The following PGM3 variants were observed in gnomAD, a reference collection of about 807,000 sequenced individuals.
The protein encoded by PGM3 is phosphoglucomutase 3.
Under a neutral mutation model 66.2 loss-of-function variants are expected in PGM3, and 40 were observed. The observed-to-expected ratio is 0.60, with a 90% confidence interval of 0.47 to 0.79. The LOEUF (loss-of-function observed/expected upper bound fraction) is 0.79, where lower values mean the gene tolerates loss of function less well. Among genes scored for constraint, PGM3 ranks in the 30% least tolerant of loss-of-function variants. The pLI is 0.00. For synonymous variants in PGM3, 191 were observed against 224.2 expected, an observed-to-expected ratio of 0.85 and a Z score of 1.32; for missense variants, 537 against 643.4, an observed-to-expected ratio of 0.83 and a Z score of 1.79.
chr6:83,188,226 T>G (rs377062073), intron 3 of PGM3, among the ~76,000 whole-genome samples: 2 of 152,286 alleles, frequency 1.3e-5, no homozygotes, highest in East Asian at 1.9e-4. Flanking sequence ...ATATAAATAT[T>G]TGAAACAATA....
intron 11 of PGM3, chr6:83,171,150 G>A (rs1787007926): frequency 1.3e-5 from 2 of 152,174 alleles, no homozygotes; most frequent in African/African-American, 2.4e-5. Context: ...GACCAGCCTA[G>A]GCAACATAGT....
intron 8 of PGM3, among the ~76,000 whole-genome samples, chr6:83,176,665 C>G (rs1787794685): frequency 6.6e-6 from 1 of 152,040 alleles, no homozygotes; most frequent in Admixed American, 6.6e-5. Context: ...ATGGATGGAT[C>G]TGAGAGAGCT....
rs770754103 is a variant in PGM3, at chr6:83,171,936, C to T, written c.1365+1G>A. 2 of 1,611,702 alleles carry T rather than the reference C, an allele frequency of 1.2e-6. No homozygotes were observed. The highest frequency in any genetic ancestry group is 1.7e-6 in the Non-Finnish European group (2 of 1,178,418). On this transcript the variant is annotated splice_donor_variant, in intron 11 of 12. Transcript: ENST00000513973. LOFTEE classifies it high-confidence loss of function. Reference sequence around the variant, plus strand: ...AAGTTACTTTAAAGTTTCTCTCACACCTGAACTTTAAGTTGTCTGTTTGGA... The same window carrying T: ...AAGTTACTTTAAAGTTTCTCTCACATCTGAACTTTAAGTTGTCTGTTTGGA...
At chr6:83,181,365 T>C (rs568501696) in intron 6 of PGM3, among the ~76,000 whole-genome samples, 1 of 152,304 alleles carries the variant, frequency 6.6e-6, no homozygotes, top group Non-Finnish European at 1.5e-5. Flanking sequence ...AATGCAAATT[T>C]CTATCATATG....
rs762854252 is a variant in PGM3, at chr6:83,170,346, T to A, written c.1498A>T (p.Thr500Ser). ...LSRAFVRPSGTEDVVRVYAEA... is the reference protein window; with the variant it reads ...LSRAFVRPSGSEDVVRVYAEA... Reference sequence around the variant, plus strand: ...GCATATACTCGGACGACATCTTCTGTACCAGAGGGCCGGACAAAAGCTCGA... The same window carrying A: ...GCATATACTCGGACGACATCTTCTGAACCAGAGGGCCGGACAAAAGCTCGA... Residue 500 changes from threonine to serine, a missense_variant, in exon 12 of 13, where the codon ACA (threonine) becomes TCA (serine). Coordinates refer to ENST00000513973, the MANE Select transcript of PGM3 (RefSeq NM_015599.3). 4 of 1,614,052 alleles carry A rather than the reference T, an allele frequency of 2.5e-6. No homozygotes were observed.
the PGM3 span, chr6:83,153,816 A>G: frequency 1.4e-6 from 2 of 1,439,784 alleles, no homozygotes; most frequent in Non-Finnish European, 1.9e-6. Flanking sequence ...TCTTAGGTAA[A>G]TGTGAACATT....
rs763803170 is a variant in PGM3 at position 83,170,527 on chromosome 6, A to G, written c.1366-49T>C. ...GTTACTCTATTACACTTCCTTTCAG[A>G]AGCTTAACCTGTTAAACATACATTC... On this transcript the variant is annotated intron_variant, in intron 11 of 12. Transcript: ENST00000513973. 2.8e-6 allele frequency: 4 copies of G among 1,435,190 alleles called. No individual in the cohort carries two copies. The South Asian group carries it at 4.8e-5, about 17-fold the overall frequency. 88.9% of individuals were successfully genotyped at this position (1,435,190 alleles called of 1,614,324 possible).
chr6:83,161,438 T>A (rs1334034629), downstream of PGM3, among the ~76,000 whole-genome samples: 1 of 152,164 alleles, frequency 6.6e-6, no homozygotes, highest in East Asian at 1.9e-4. Flanking sequence ...AAAGTATCCA[T>A]GTAACTAAAA....
Position 83,193,225 on chromosome 6 carries a change from A to C in PGM3, c.-49T>G, listed in dbSNP as rs1409237656. 1 of 152,234 alleles carries C rather than the reference A, an allele frequency of 6.6e-6. No homozygotes were observed. Among genetic ancestry groups the C allele is most frequent in the East Asian group, 1.9e-4 (1 of 5,190 alleles). The allele number at this position is 152,234 out of a possible 1,614,324, so 9.4% of individuals were successfully genotyped here. On this transcript the variant is annotated 5_prime_UTR_variant, in exon 1 of 13. Transcript: ENST00000513973. ...ACCTACACGCAGCGGAGAAGCGCCCAAGCAACAACGTCTGCACCCAAACCC... is the reference window on the plus strand; with the variant it reads ...ACCTACACGCAGCGGAGAAGCGCCCCAGCAACAACGTCTGCACCCAAACCC...
Position 83,167,719 on chromosome 6 carries a change from GT to G in PGM3, c.*1514del, listed in dbSNP as rs1786125881. The G allele has an allele frequency of 7.1e-7, 1 of 1,412,642 alleles. No homozygotes were observed. The allele number at this position is 1,412,642 out of a possible 1,614,324, so 87.5% of individuals were successfully genotyped here. On this transcript the variant is annotated 3_prime_UTR_variant, in exon 13 of 13. Coordinates refer to ENST00000513973, the MANE Select transcript of PGM3 (RefSeq NM_015599.3). ...GTAAAAGGTCTCAGAAGCACCAAGG[GT>G]TTTGATCAGGTCAGGAGTTAGAAAC...
chr6:83,170,542 A>T, intron 11 of PGM3, 64 bp from the exon 12 acceptor site: 1 of 1,291,354 alleles, frequency 7.7e-7, no homozygotes, highest in Non-Finnish European at 1.1e-6. Flanking sequence ...TAACCTGTTA[A>T]ACATACATTC....
At chr6:83,190,159 GAT>G (rs1788940445) in intron 2 of PGM3, among the ~76,000 whole-genome samples, 1 of 152,158 alleles carries the variant, frequency 6.6e-6, no homozygotes, top group African/African-American at 2.4e-5. Context: ...TGAGCTAATG[GAT>G]ATGTTAATTA....
chr6:83,175,681 T>C (rs1400240838), intron 9 of PGM3, among the ~76,000 whole-genome samples: 2 of 152,136 alleles, frequency 1.3e-5, no homozygotes, highest in East Asian at 3.9e-4. Flanking sequence ...AGCCGGAAAA[T>C]GCATAGACAA....
At chr6:83,189,811 T>G (rs1215361229) in intron 2 of PGM3, among the ~76,000 whole-genome samples, 1 of 152,202 alleles carries the variant, frequency 6.6e-6, no homozygotes, top group African/African-American at 2.4e-5. Context: ...TTATTCAGCC[T>G]TAAAAAAGAA....
At chr6:83,188,540 G>T in intron 3 of PGM3, 74 bp downstream of exon 3, 3 of 1,202,946 alleles carry the variant, frequency 2.5e-6, no homozygotes, top group Non-Finnish European at 3.6e-6. Context: ...CATTTGTCTT[G>T]GATTAAAACT....
At chr6:83,177,826 T>C (rs1787893145) in intron 8 of PGM3, among the ~76,000 whole-genome samples, 1 of 152,180 alleles carries the variant, frequency 6.6e-6, no homozygotes, top group Admixed American at 6.5e-5. Flanking sequence ...GTGACCGCCC[T>C]GGCCTACCTT....
chr6:83,181,710 A>C, intron 6 of PGM3, 26 bp downstream of exon 6: 2 of 1,534,706 alleles, frequency 1.3e-6, no homozygotes, highest in Non-Finnish European at 1.8e-6. Context: ...TTAAAAACAA[A>C]TTTTTGCAGT....
downstream of PGM3, among the ~76,000 whole-genome samples, chr6:83,158,003 T>TTTTTTTG (rs1783200668): frequency 6.6e-6 from 1 of 152,082 alleles, no homozygotes; most frequent in South Asian, 2.1e-4. Context: ...TTTTTCCTTT[T>TTTTTTTG]TTTTTTGTTT....
In PGM3 at chr6:83,169,302, G is replaced by A. The variant is rs770156095; in HGVS notation, c.1561C>T (p.His521Tyr). 4.1e-5 allele frequency: 66 copies of A among 1,613,536 alleles called. No homozygotes were observed. Among genetic ancestry groups the A allele is most frequent in the African/African-American group, 6.7e-5 (5 of 74,910 alleles). Residue 521 changes from histidine (H) to tyrosine (Y), a missense_variant, in exon 13 of 13, where the codon CAT becomes TAT. Transcript: ENST00000513973. ...DSQESADHLAHEVSLAVFQLA... is the reference protein window; with the variant it reads ...DSQESADHLAYEVSLAVFQLA... The stretch of plus-strand genomic sequence containing the variant: ...TGAAATACTGCCAAGCTCACTTCAT[G>A]TGCAAGGTGATCTGCACTTTCCTGC...
Sources: gnomAD v4.1 joint callset for allele counts (sites outside exome capture counted in the v4.1 genomes callset) on GRCh38, gnomAD v4.1.1 for gene constraint, MANE v1.5 for transcripts, NCBI Gene and HGNC (gene_info 2026-07-23, HGNC 2026-07-21) for gene names.